The following UNC13C variants were observed in gnomAD, a reference collection of about 807,000 sequenced individuals.
UNC13C encodes unc-13 homolog C, also known as protein unc-13 homolog C.
A neutral mutation model predicts 245.4 loss-of-function variants in UNC13C; 174 were observed. The observed-to-expected ratio is 0.71, with a 90% CI of 0.63 to 0.80. UNC13C has a LOEUF of 0.80. Ranked by LOEUF, UNC13C falls within the 30% of genes least tolerant of loss-of-function variation. The pLI, the probability that UNC13C is intolerant of heterozygous loss-of-function variation, is 0.00. For missense variants in UNC13C, 2,829 were observed against 2,602.9 expected (o/e 1.09, Z -1.89); for synonymous variants, 992 against 895.1 (o/e 1.11, Z -1.93).
At chr15:54,288,516 CTG>C (rs2037208764) in intron 10 of UNC13C, among the ~76,000 whole-genome samples, 1 of 150,562 alleles carries the variant, frequency 6.6e-6, no homozygotes, top group African/African-American at 2.4e-5. Context: ...CTTTTAATTG[CTG>C]TGAGTGCAGG....
At chr15:53,889,296 T>G in the UNC13C span, among the ~76,000 whole-genome samples, 1 of 152,168 alleles carries the variant, frequency 6.6e-6, no homozygotes, top group Non-Finnish European at 1.5e-5. Context: ...CCTAGGTATT[T>G]TAATTCTCTT....
At chr15:54,313,919 A>C (rs190047143) in intron 13 of UNC13C, among the ~76,000 whole-genome samples, 1 of 151,210 alleles carries the variant, frequency 6.6e-6, no homozygotes, top group African/African-American at 2.4e-5. Flanking sequence ...AAAATGTACT[A>C]TGTACTCACA....
At chr15:54,529,163 A>C (rs1038660786) in intron 25 of UNC13C, among the ~76,000 whole-genome samples, 1 of 152,190 alleles carries the variant, frequency 6.6e-6, no homozygotes, top group Non-Finnish European at 1.5e-5. Flanking sequence ...TGGTGTTGTC[A>C]ACAGTAAAGA....
chr15:54,472,048 T>C (rs1892491019), intron 19 of UNC13C, among the ~76,000 whole-genome samples: 1 of 151,798 alleles, frequency 6.6e-6, no homozygotes, highest in Non-Finnish European at 1.5e-5. Context: ...TTCTGTACCT[T>C]TGCTTACTTT....
chr15:53,902,548 T>G, the UNC13C span, among the ~76,000 whole-genome samples: 1 of 152,232 alleles, frequency 6.6e-6, no homozygotes, highest in Non-Finnish European at 1.5e-5. Flanking sequence ...ACACCTGTAA[T>G]GACGGATGGG....
intron 13 of UNC13C, chr15:54,320,754 G>A: frequency 2.6e-6 from 1 of 392,054 alleles, no homozygotes; most frequent in Non-Finnish European, 4.9e-6. Flanking sequence ...CATAGCTACT[G>A]CTGCTACTGG....
chr15:54,235,375 T>A (rs2035665091), intron 5 of UNC13C, among the ~76,000 whole-genome samples: 1 of 152,168 alleles, frequency 6.6e-6, no homozygotes, highest in Admixed American at 6.5e-5. Flanking sequence ...CAAAAAGAAA[T>A]CACACAGCAT....
At chr15:54,608,144 A>AC (rs1275482939) in intron 30 of UNC13C, among the ~76,000 whole-genome samples, 2 of 152,222 alleles carry the variant, frequency 1.3e-5, no homozygotes, top group Non-Finnish European at 2.9e-5. Context: ...CCAAAAAAAA[A>AC]CACTTATATT....
At chr15:54,560,760 AAG>A (rs1048757745) in intron 29 of UNC13C, among the ~76,000 whole-genome samples, 20 of 151,158 alleles carry the variant, frequency 1.3e-4, no homozygotes, top group Admixed American at 2.6e-4. Context: ...GGAGGTGATT[AAG>A]AGAGAGAGAG....
At chr15:54,104,683 T>A (rs1052671680) in intron 2 of UNC13C, among the ~76,000 whole-genome samples, 56 of 138,838 alleles carry the variant, frequency 4.0e-4, no homozygotes, top group Admixed American at 3.7e-4. Flanking sequence ...ATAATTATAT[T>A]TACAGTTTTT....
At chr15:54,458,928 C>T (rs1469778564) in intron 19 of UNC13C, among the ~76,000 whole-genome samples, 1 of 151,746 alleles carries the variant, frequency 6.6e-6, no homozygotes. Context: ...AGGTACTGTT[C>T]TATTCTTCAT....
chr15:54,509,809 A>G (rs184557542), intron 23 of UNC13C, among the ~76,000 whole-genome samples: 8 of 152,180 alleles, frequency 5.3e-5, no homozygotes, highest in Non-Finnish European at 8.8e-5. Flanking sequence ...CAGTTTGATG[A>G]ATTGATTCAG....
chr15:53,900,391 A>T, the UNC13C span, among the ~76,000 whole-genome samples: 1 of 152,132 alleles, frequency 6.6e-6, no homozygotes, highest in Non-Finnish European at 1.5e-5. Context: ...CATGTTCTTT[A>T]TTTTTCTTGA....
At chr15:54,179,101 A>C (rs1201535421) in intron 4 of UNC13C, among the ~76,000 whole-genome samples, 1 of 152,142 alleles carries the variant, frequency 6.6e-6, no homozygotes, top group Non-Finnish European at 1.5e-5. Context: ...ATTATTCACT[A>C]TAATCCATGA....
At chr15:54,091,712 A>G (rs185382672) in intron 2 of UNC13C, among the ~76,000 whole-genome samples, 1 of 151,062 alleles carries the variant, frequency 6.6e-6, no homozygotes, top group Admixed American at 6.6e-5. Context: ...TTATTTTATA[A>G]CTAGTGTTCT....
At position 54,015,712 on chromosome 15, in the gene UNC13C, C is replaced by A. The variant is rs1895624275; in HGVS notation, c.2809C>A (p.Pro937Thr). The A allele has an allele frequency of 1.2e-6, 2 of 1,613,560 alleles. No homozygotes were observed. Among genetic ancestry groups the A allele is most frequent in the Admixed American group, 1.7e-5 (1 of 59,902 alleles). The change falls in exon 2 of 33, where the codon CCC becomes ACC. Residue 937 changes from proline (P) to threonine (T), a missense_variant. Physicochemically the swap from Pro to Thr is conservative, Grantham distance 38. Transcript: ENST00000260323. ...DDMVSEEGLE[P>T]LNETSAEMEI... The stretch of plus-strand genomic sequence containing the variant: ...TATGGTTAGTGAAGAGGGGTTAGAA[C>A]CCTTAAATGAAACATCAGCTGAGAT...
At position 54,255,203 on chromosome 15, in the gene UNC13C, C is replaced by T. The variant is rs372466679; in HGVS notation, c.3448+4759C>T. On this transcript the variant is annotated intron_variant, in intron 8 of 32. Coordinates refer to ENST00000260323, the MANE Select transcript of UNC13C (RefSeq NM_001080534.3). ...CCTGTGTTAGTCAACTCAATTAGAC[C>T]CCTCCCTTATCGCAAGGACAGAGGG... Among the ~76,000 whole-genome samples the T allele has an allele frequency of 7.5e-4, 114 of 152,192 alleles. 1 individual carries two copies. Among genetic ancestry groups the T allele is most frequent in the African/African-American group, 2.7e-3 (113 of 41,522 alleles).
the UNC13C span, among the ~76,000 whole-genome samples, chr15:53,918,005 G>C: frequency 2.6e-5 from 4 of 152,288 alleles, no homozygotes; most frequent in East Asian, 1.9e-4. Flanking sequence ...CCGGGCACGG[G>C]GGGTAGCAGT....
the UNC13C span, among the ~76,000 whole-genome samples, chr15:53,871,859 T>C: frequency 2.6e-5 from 4 of 152,236 alleles, no homozygotes; most frequent in Middle Eastern, 0.01. Context: ...ATTGTGGAAG[T>C]GGGTGCTTGT....
Sources: allele counts gnomAD v4.1 joint callset (sites outside exome capture counted in the v4.1 genomes callset), GRCh38; gene constraint gnomAD v4.1.1; transcripts MANE v1.5; gene names NCBI Gene and HGNC (gene_info 2026-07-23, HGNC 2026-07-21).